The following TMEM167A variants were observed in gnomAD, a reference collection of about 807,000 sequenced individuals.
The protein encoded by TMEM167A is transmembrane protein 167A.
In TMEM167A, 8 loss-of-function variants were observed where a neutral mutation model predicts 11.6. The ratio of observed to expected loss-of-function variants is 0.69; its 90% CI spans 0.40 to 1.24. TMEM167A has a LOEUF of 1.24. TMEM167A is among the 50% of genes most tolerant of loss of function. The probability of loss-of-function intolerance (pLI) is 0.01; values close to 1 mark genes in which losing one functional copy is unlikely to be tolerated. For missense variants in TMEM167A, 62 were observed against 87.0 expected (o/e 0.71, Z 1.14); for synonymous variants, 22 against 28.0 (o/e 0.79, Z 0.67).
chr5:83,065,999 T>C (rs79421206), intron 1 of TMEM167A, among the ~76,000 whole-genome samples: 1,609 of 152,240 alleles, frequency 0.011, 14 homozygotes, highest in Non-Finnish European at 0.018. Flanking sequence ...TCTAGTCTCA[T>C]AGCAAACTGT....
Position 83,057,114 on chromosome 5 carries a change from T to C in TMEM167A, c.189A>G (p.Val63=). The C allele has an allele frequency of 6.2e-7, 1 of 1,612,254 alleles. No homozygotes were observed. Among genetic ancestry groups the C allele is most frequent in the Non-Finnish European group, 8.5e-7 (1 of 1,179,010 alleles). The change falls in exon 4 of 4, where the codon GTA becomes GTG. Residue 63 remains valine (V), a synonymous_variant. Coordinates refer to ENST00000502346, the MANE Select transcript of TMEM167A (RefSeq NM_174909.5). ...KSPYVAVCCI[V]MAFSILFIQ is the part of the protein sequence containing the mutation. ...GTATGAAGAGGATGCTGAAGGCCAT[T>C]ACTATACAGCATACTGCAACATAAG...
chr5:83,056,929 G>T lies in TMEM167A; in HGVS notation c.*155C>A. 5 of 703,744 alleles carry T rather than the reference G, an allele frequency of 7.1e-6. No homozygotes were observed. The South Asian group carries it at 7.8e-5, about 11-fold the overall frequency. 43.6% of individuals were successfully genotyped at this position (703,744 alleles called of 1,614,324 possible). On this transcript the variant is annotated 3_prime_UTR_variant, in exon 4 of 4. Coordinates refer to ENST00000502346, the MANE Select transcript of TMEM167A (RefSeq NM_174909.5). ...ATCTTAATTGTTTATACAGAACATTGGTCCAATAACATTAAAATAGAGAAC... is the reference window on the plus strand; with the variant it reads ...ATCTTAATTGTTTATACAGAACATTTGTCCAATAACATTAAAATAGAGAAC...
chr5:83,064,467 A>G (rs1487257052), intron 2 of TMEM167A: 5 of 412,206 alleles, frequency 1.2e-5, no homozygotes, highest in Admixed American at 3.4e-5. Context: ...TAGAATTCCA[A>G]TAAAGTCATC....
intron 3 of TMEM167A, among the ~76,000 whole-genome samples, chr5:83,059,356 C>T (rs958410495): frequency 2.0e-5 from 3 of 152,014 alleles, no homozygotes; most frequent in African/African-American, 7.2e-5. Context: ...TCTCTCATTA[C>T]ATAAGATGGA....
chr5:83,054,233 T>A lies in TMEM167A; in HGVS notation c.*2851A>T, dbSNP rs570245240. ...GCATTCAAGATAGTGTCTGGCACAGTAGAACAGGGATTAACAAGACACTGG... is the reference window on the plus strand; with the variant it reads ...GCATTCAAGATAGTGTCTGGCACAGAAGAACAGGGATTAACAAGACACTGG... On this transcript the variant is annotated 3_prime_UTR_variant, in exon 4 of 4. Coordinates refer to ENST00000502346, the MANE Select transcript of TMEM167A (RefSeq NM_174909.5). 6.6e-6 allele frequency: 1 copy of A among 152,048 alleles called. No individual in the cohort carries two copies. The highest frequency in any genetic ancestry group is 2.1e-4 in the South Asian group (1 of 4,822). 9.4% of individuals were successfully genotyped at this position (152,048 alleles called of 1,614,324 possible).
At chr5:83,077,183 C>A (rs1300527435) in intron 1 of TMEM167A, 138 bp downstream of exon 1, 4 of 1,262,052 alleles carry the variant, frequency 3.2e-6, no homozygotes, top group Non-Finnish European at 4.6e-6. Context: ...TCTGGTTGGC[C>A]GTGGAGGGAC....
chr5:83,070,414 T>A (rs1744543003), intron 1 of TMEM167A, among the ~76,000 whole-genome samples: 1 of 152,208 alleles, frequency 6.6e-6, no homozygotes, highest in African/African-American at 2.4e-5. Context: ...ATCAATAAGA[T>A]CTTTTGATAT....
chr5:83,062,112 G>C (rs1561302088), intron 2 of TMEM167A: 3 of 498,798 alleles, frequency 6.0e-6, no homozygotes, highest in Admixed American at 3.7e-5. Flanking sequence ...AACCATCAAT[G>C]TACAGAAACT....
intron 2 of TMEM167A, among the ~76,000 whole-genome samples, chr5:83,063,264 G>A (rs1334159619): frequency 6.6e-6 from 1 of 151,994 alleles, no homozygotes; most frequent in East Asian, 1.9e-4. Context: ...TTAACAAAAG[G>A]ACCCACCCTC....
chr5:83,073,383 A>C (rs1744591795), intron 1 of TMEM167A, among the ~76,000 whole-genome samples: 2 of 152,342 alleles, frequency 1.3e-5, no homozygotes, highest in Admixed American at 1.3e-4. Flanking sequence ...AATTGATATA[A>C]ACAAGAGTTA....
Position 83,054,070 on chromosome 5 carries a change from A to G in TMEM167A, c.*3014T>C, listed in dbSNP as rs1308291164. On this transcript the variant is annotated 3_prime_UTR_variant, in exon 4 of 4. Transcript: ENST00000502346. ...CTCATTTTTACTCTGTAAACTTGGAAAAGTTAATTTATTCAATCTCTATTT... is the reference window on the plus strand; with the variant it reads ...CTCATTTTTACTCTGTAAACTTGGAGAAGTTAATTTATTCAATCTCTATTT... The G allele has an allele frequency of 1.3e-5, 2 of 152,018 alleles. No homozygotes were observed. Among genetic ancestry groups the G allele is most frequent in the East Asian group, 3.9e-4 (2 of 5,192 alleles). 9.4% of individuals were successfully genotyped at this position (152,018 alleles called of 1,614,324 possible). A position where few individuals can be genotyped will look rare whatever the true frequency, so the allele number is the denominator to read the frequency against.
At chr5:83,061,622 T>C (rs1744407889) in intron 3 of TMEM167A, among the ~76,000 whole-genome samples, 1 of 152,188 alleles carries the variant, frequency 6.6e-6, no homozygotes, top group African/African-American at 2.4e-5. Context: ...CTCAAACTCC[T>C]GACCTCAGGT....
intron 2 of TMEM167A, among the ~76,000 whole-genome samples, chr5:83,063,513 T>A (rs1406090331): frequency 6.6e-6 from 1 of 152,112 alleles, no homozygotes; most frequent in Non-Finnish European, 1.5e-5. Flanking sequence ...TCTTTTTGGG[T>A]CTAATATTCT....
rs1744325308 is a variant in TMEM167A at position 83,056,001 on chromosome 5, T to C, written c.*1083A>G. On this transcript the variant is annotated 3_prime_UTR_variant, in exon 4 of 4. Coordinates refer to ENST00000502346, the MANE Select transcript of TMEM167A (RefSeq NM_174909.5). ...CCATGACCTTAAAATAACTGCTCTA[T>C]TGTAAAATTTAGAAGTCACATTCCT... The C allele has an allele frequency of 6.6e-6, 1 of 152,018 alleles. No individual in the cohort carries two copies. 9.4% of individuals were successfully genotyped at this position (152,018 alleles called of 1,614,324 possible).
intron 1 of TMEM167A, among the ~76,000 whole-genome samples, chr5:83,073,367 T>C (rs1045480638): frequency 6.6e-6 from 1 of 152,192 alleles, no homozygotes; most frequent in Non-Finnish European, 1.5e-5. Flanking sequence ...AAATTTACCA[T>C]AGGCGAATTG....
chr5:83,073,361 T>C (rs190604694), intron 1 of TMEM167A, among the ~76,000 whole-genome samples: 1 of 152,232 alleles, frequency 6.6e-6, no homozygotes, highest in Admixed American at 6.5e-5. Flanking sequence ...CAAAAAAAAT[T>C]TACCATAGGC....
At chr5:83,057,485 A>C (rs982712431) in intron 3 of TMEM167A, among the ~76,000 whole-genome samples, 5 of 152,070 alleles carry the variant, frequency 3.3e-5, no homozygotes, top group African/African-American at 1.2e-4. Context: ...AACGATCTCA[A>C]CTCAATTGAG....
intron 1 of TMEM167A, among the ~76,000 whole-genome samples, chr5:83,068,874 G>C (rs749067700): frequency 6.6e-6 from 1 of 152,100 alleles, no homozygotes; most frequent in Non-Finnish European, 1.5e-5. Context: ...ATGATATAAT[G>C]TTCAGGATTG....
chr5:83,075,844 G>C (rs6452506), intron 1 of TMEM167A, among the ~76,000 whole-genome samples: 73,140 of 151,916 alleles, frequency 0.48, 18,175 homozygotes, highest in African/African-American at 0.57. Context: ...CGAACTCAAA[G>C]ATACTGAGAC....
Sources: allele counts gnomAD v4.1 joint callset (sites outside exome capture counted in the v4.1 genomes callset), GRCh38; gene constraint gnomAD v4.1.1; transcripts MANE v1.5; gene names NCBI Gene and HGNC (gene_info 2026-07-23, HGNC 2026-07-21).